Variants in HAVCR1 observed in about 807,000 individuals in gnomAD.
HAVCR1 encodes hepatitis A virus cellular receptor 1, also known as T cell immunoglobin domain and mucin domain protein 1.
Under a neutral mutation model 32.0 loss-of-function variants are expected in HAVCR1, and 34 were observed. That is an observed-to-expected ratio of 1.06 (90% CI 0.81 to 1.42). The LOEUF (loss-of-function observed/expected upper bound fraction) is 1.42, where lower values mean the gene tolerates loss of function less well. Ranked by LOEUF, HAVCR1 falls within the 40% of genes most tolerant of loss-of-function variation. HAVCR1 has a pLI of 0.00. For missense variants in HAVCR1, 420 were observed against 442.3 expected (o/e 0.95, Z 0.45); for synonymous variants, 178 against 170.3 (o/e 1.05, Z -0.35).
intron 6 of HAVCR1, 43 bp from the exon 7 acceptor site, chr5:157,037,404 G>T: frequency 1.1e-6 from 1 of 888,698 alleles, no homozygotes. Context: ...TTGTTAGAAA[G>T]TTATGAAGAG....
At chr5:157,055,172 C>A in intron 3 of HAVCR1, 29 bp downstream of exon 3, 1 of 1,204,028 alleles carries the variant, frequency 8.3e-7, no homozygotes, top group Non-Finnish European at 1.2e-6. Context: ...ATTCAATTAA[C>A]TAGCAAGAAA....
chr5:157,047,984 T>C (rs1245431147), intron 5 of HAVCR1, among the ~76,000 whole-genome samples: 1 of 152,120 alleles, frequency 6.6e-6, no homozygotes, highest in Non-Finnish European at 1.5e-5. Context: ...GCTTGATGTA[T>C]GGGGAAAAAA....
At chr5:157,042,584 T>C (rs1292926824) in intron 6 of HAVCR1, 43 bp downstream of exon 6, 2 of 1,210,450 alleles carry the variant, frequency 1.7e-6, no homozygotes, top group Middle Eastern at 1.9e-4. Flanking sequence ...CAAGGAGATA[T>C]ACAAGTGAAT....
chr5:157,044,613 A>AAGAAAGAAAGAAAGAAAGAAAGAAAGAG (rs1561591081), intron 5 of HAVCR1, among the ~76,000 whole-genome samples: 1 of 25,544 alleles, frequency 3.9e-5, no homozygotes, highest in African/African-American at 9.7e-5. Flanking sequence ...GAAAGAAAGA[A>AAGAAAGAAAGAAAGAAAGAAAGAAAGAG]AGAGAAAGAA....
chr5:157,066,055 T>TAAAAAAAAAAAAAAAAAAAAAA, the HAVCR1 span, among the ~76,000 whole-genome samples: 41 of 66,902 alleles, frequency 6.1e-4, 1 homozygote, highest in Middle Eastern at 8.8e-3. Flanking sequence ...GACTCCGTCT[T>TAAAAAAAAAAAAAAAAAAAAAA]AAAAAAAAAA....
intron 7 of HAVCR1, among the ~76,000 whole-genome samples, chr5:157,035,473 A>C (rs1008749489): frequency 6.6e-5 from 10 of 152,202 alleles, no homozygotes; most frequent in African/African-American, 2.4e-4. Context: ...AGTTAGCAGA[A>C]GGGAGACATG....
chr5:157,037,467 G>A, intron 6 of HAVCR1, 106 bp from the exon 7 acceptor site: 1 of 635,426 alleles, frequency 1.6e-6, no homozygotes, highest in South Asian at 1.9e-5. Flanking sequence ...ATTGGTGCTT[G>A]GGGACTTCTG....
the HAVCR1 span, among the ~76,000 whole-genome samples, chr5:157,067,471 C>A: frequency 6.6e-6 from 1 of 152,050 alleles, no homozygotes; most frequent in East Asian, 1.9e-4. Context: ...AGCAGCCCAG[C>A]CTGAGCAACA....
At chr5:157,057,415 GAAAGAAAGAAAGA>G (rs1561606101) in intron 2 of HAVCR1, among the ~76,000 whole-genome samples, 8 of 130,906 alleles carry the variant, frequency 6.1e-5, no homozygotes, top group African/African-American at 1.7e-4. Context: ...AAGAAAGAAA[GAAAGAAAGAAAGA>G]AAGAAAGAAA....
intron 8 of HAVCR1, among the ~76,000 whole-genome samples, chr5:157,032,577 T>C (rs1754243247): frequency 6.6e-6 from 1 of 152,240 alleles, no homozygotes; most frequent in Non-Finnish European, 1.5e-5. Flanking sequence ...CATTCAATGT[T>C]TACTTCCATC....
chr5:157,060,852 A>T (rs1232543225), upstream of HAVCR1, among the ~76,000 whole-genome samples: 1 of 152,096 alleles, frequency 6.6e-6, no homozygotes, highest in East Asian at 1.9e-4. Flanking sequence ...CTAGCCACAT[A>T]TGACTATTGA....
chr5:157,032,588 G>A (rs879099769), intron 8 of HAVCR1, among the ~76,000 whole-genome samples: 2 of 152,198 alleles, frequency 1.3e-5, no homozygotes, highest in African/African-American at 2.4e-5. Flanking sequence ...TACTTCCATC[G>A]AGCAAATCTT....
chr5:157,049,476 A>T (rs1472115045), intron 4 of HAVCR1, among the ~76,000 whole-genome samples: 5 of 152,230 alleles, frequency 3.3e-5, no homozygotes, highest in Admixed American at 1.3e-4. Context: ...CTCTAAATAG[A>T]CAAAGCCAAC....
chr5:157,052,727 C>A (rs1176149438), intron 3 of HAVCR1, 73 bp from the exon 4 acceptor site: 3 of 1,230,328 alleles, frequency 2.4e-6, no homozygotes, highest in Non-Finnish European at 2.4e-6. Context: ...GGAACTGTAC[C>A]CTAGCACACC....
At chr5:157,053,758 T>C (rs1053923010) in intron 3 of HAVCR1, among the ~76,000 whole-genome samples, 1 of 151,906 alleles carries the variant, frequency 6.6e-6, no homozygotes, top group African/African-American at 2.4e-5. Flanking sequence ...TAGTCCCAGC[T>C]ACTCAGGAGG....
upstream of HAVCR1, among the ~76,000 whole-genome samples, chr5:157,060,950 TG>T (rs1756477226): frequency 2.0e-5 from 3 of 151,728 alleles, no homozygotes; most frequent in South Asian, 4.2e-4. Context: ...CAGGCTGGAG[TG>T]CAGTGTCACA....
chr5:157,068,420 CA>C, the HAVCR1 span, among the ~76,000 whole-genome samples: 8 of 151,766 alleles, frequency 5.3e-5, no homozygotes, highest in African/African-American at 1.5e-4. Context: ...CGTATCTCTA[CA>C]AAAAAAATTT....
chr5:157,056,665 C>A, intron 2 of HAVCR1, among the ~76,000 whole-genome samples: 1 of 152,074 alleles, frequency 6.6e-6, no homozygotes, highest in East Asian at 1.9e-4. Flanking sequence ...CAGGTGTGAG[C>A]CACCACGCCC....
At chr5:157,064,339 CAAAA>C in the HAVCR1 span, among the ~76,000 whole-genome samples, 3 of 63,418 alleles carry the variant, frequency 4.7e-5, no homozygotes, top group African/African-American at 1.4e-4. Context: ...CCTGTCTCTA[CAAAA>C]AAAAAAAAAA....
Sources: gnomAD v4.1 joint callset for allele counts (sites outside exome capture counted in the v4.1 genomes callset) on GRCh38, gnomAD v4.1.1 for gene constraint, MANE v1.5 for transcripts, NCBI Gene and HGNC (gene_info 2026-07-23, HGNC 2026-07-21) for gene names.